The following SYCP2 variants were observed in gnomAD, a reference collection of about 807,000 sequenced individuals.
SYCP2 encodes synaptonemal complex protein 2, also known as synaptonemal complex lateral element protein.
Under a neutral mutation model 211.3 loss-of-function variants are expected in SYCP2, and 55 were observed. The observed-to-expected ratio is 0.26, with a 90% confidence interval of 0.21 to 0.33. The LOEUF (loss-of-function observed/expected upper bound fraction) is 0.33. SYCP2 is among the 10% of genes least tolerant of loss of function. The pLI, the probability that SYCP2 is intolerant of heterozygous loss-of-function variation, is 1.00. For missense variants in SYCP2, 1,731 were observed against 1,752.0 expected (o/e 0.99, Z 0.21); for synonymous variants, 570 against 555.2 (o/e 1.03, Z -0.37).
At chr20:59,880,087 A>G (rs898773132) in intron 31 of SYCP2, among the ~76,000 whole-genome samples, 3 of 151,180 alleles carry the variant, frequency 2.0e-5, no homozygotes, top group Non-Finnish European at 3.0e-5. Flanking sequence ...AAGGATAATG[A>G]TAAGTCATAA....
Position 59,892,236 on chromosome 20 carries a change from T to C in SYCP2, c.2118A>G (p.Lys706=). The change falls in exon 24 of 45, where the codon AAA becomes AAG. Residue 706 remains lysine (K), a synonymous_variant. Coordinates refer to ENST00000357552, the MANE Select transcript of SYCP2 (RefSeq NM_014258.4). ...CACTCTGCTTGGCATTTTCAGTATT[T>C]TTCTGCCCTGAATATTTAGGATGAT... is the stretch of plus-strand genomic sequence containing the variant. ...QQNHPKYSGQ[K]NTENAKQSDW... 6.2e-7 allele frequency: 1 copy of C among 1,612,962 alleles called. No homozygotes were observed. The highest frequency in any genetic ancestry group is 8.5e-7 in the Non-Finnish European group (1 of 1,179,288).
At chr20:59,881,547 T>G (rs1488246853) in intron 28 of SYCP2, 55 bp from the exon 29 acceptor site, 1 of 850,690 alleles carries the variant, frequency 1.2e-6, no homozygotes, top group African/African-American at 1.8e-5. Flanking sequence ...TAAAAAAGAT[T>G]AAAAGGAATA....
intron 35 of SYCP2, among the ~76,000 whole-genome samples, chr20:59,873,343 C>T (rs561031484): frequency 6.6e-6 from 1 of 152,228 alleles, no homozygotes; most frequent in East Asian, 1.9e-4. Context: ...ACTGCAATAC[C>T]TCTACAGTTG....
chr20:59,919,854 AGTTAGG>A (rs2060508391), intron 5 of SYCP2, among the ~76,000 whole-genome samples: 1 of 151,670 alleles, frequency 6.6e-6, no homozygotes, highest in Admixed American at 6.6e-5. Flanking sequence ...TCAAATTCCT[AGTTAGG>A]GTACGTTTAT....
chr20:59,882,018 G>A lies in SYCP2; in HGVS notation c.2601-16C>T. The stretch of plus-strand genomic sequence containing the variant: ...AACATCATTCCTGTGAAAATGAAGA[G>A]CAATATTAGCTCCACTTAAATATGT... On this transcript the variant is annotated splice_polypyrimidine_tract_variant and intron_variant, in intron 27 of 44. Coordinates refer to ENST00000357552, the MANE Select transcript of SYCP2 (RefSeq NM_014258.4). The A allele has an allele frequency of 6.2e-7, 1 of 1,611,044 alleles. No individual in the cohort carries two copies. Among genetic ancestry groups the A allele is most frequent in the Non-Finnish European group, 8.5e-7 (1 of 1,177,794 alleles).
At chr20:59,883,957 C>T (rs2059736836) in intron 26 of SYCP2, among the ~76,000 whole-genome samples, 1 of 151,882 alleles carries the variant, frequency 6.6e-6, no homozygotes, top group African/African-American at 2.4e-5. Flanking sequence ...TTATAGTAAC[C>T]ATTTCACTAT....
chr20:59,872,218 A>G (rs1239579016), intron 35 of SYCP2, among the ~76,000 whole-genome samples: 1 of 152,002 alleles, frequency 6.6e-6, no homozygotes, highest in Non-Finnish European at 1.5e-5. Context: ...TATTAAATGG[A>G]ACATTCCAGA....
At chr20:59,927,658 TAGAG>T (rs757172841) in intron 2 of SYCP2, among the ~76,000 whole-genome samples, 4 of 152,158 alleles carry the variant, frequency 2.6e-5, no homozygotes, top group African/African-American at 7.2e-5. Flanking sequence ...TAGGAAATGT[TAGAG>T]AGAAATACCT....
Position 59,877,510 on chromosome 20 carries a change from C to T in SYCP2, c.3025G>A (p.Glu1009Lys). The change falls in exon 33 of 45, where the codon GAA (glutamate) becomes AAA (lysine). Residue 1009 changes from glutamate (E) to lysine (K), a missense_variant. This residue lies in a region of SYCP2 where 1,387 missense variants were observed against 1,351.3 expected (regional missense o/e 1.03). Transcript: ENST00000357552. The part of the protein sequence containing the change: ...ITKKMDKTIP[E>K]GRIRLPRKAT... ...TTTCGTGGAAGTCTGATTCTTCCTTCCGGAATTGTCTTGTCCATCTTTTTT... is the reference window on the plus strand; with the variant it reads ...TTTCGTGGAAGTCTGATTCTTCCTTTCGGAATTGTCTTGTCCATCTTTTTT... 2 of 1,601,976 alleles carry T rather than the reference C, an allele frequency of 1.2e-6. No homozygotes were observed. The highest frequency in any genetic ancestry group is 8.5e-7 in the Non-Finnish European group (1 of 1,177,020).
chr20:59,904,255 G>C (rs533607389), intron 15 of SYCP2, among the ~76,000 whole-genome samples: 1 of 152,198 alleles, frequency 6.6e-6, no homozygotes, highest in East Asian at 1.9e-4. Flanking sequence ...ATCATCCTCA[G>C]GCATATACTC....
At chr20:59,916,832 T>G (rs2060452262) in intron 7 of SYCP2, among the ~76,000 whole-genome samples, 1 of 151,980 alleles carries the variant, frequency 6.6e-6, no homozygotes, top group African/African-American at 2.4e-5. Context: ...GGTGGGAGAA[T>G]CACCTGAGCC....
At position 59,900,194 on chromosome 20, in the gene SYCP2, GT is replaced by G; in HGVS notation, c.1347del (p.Lys449AsnfsTer34). On this transcript the variant is annotated frameshift_variant, in exon 18 of 45. Transcript: ENST00000357552. LOFTEE classifies it high-confidence loss of function. ...TCACTGTTTTTGATATATTTTGAAG[GT>G]TTAGCAAATTCCTTTGGGGACTTTG... ...EKSKSPKEFA[K>X]PSKYIKNSDK... 1 of 1,613,024 alleles carries G rather than the reference GT, an allele frequency of 6.2e-7. No individual in the cohort carries two copies.
In SYCP2 at chr20:59,905,282, CAT is replaced by C. The variant is rs571926296; in HGVS notation, c.1033+2080_1033+2081del. Among the ~76,000 whole-genome samples the C allele has an allele frequency of 1.6e-4, 24 of 152,190 alleles. No homozygotes were observed. In the South Asian group the frequency reaches 5.0e-3, roughly 32 times the overall value. On this transcript the variant is annotated intron_variant, in intron 15 of 44. Transcript: ENST00000357552. ...TTAGTATTTACCTGAGAAATAAAAA[CAT>C]ATTTTCAGAAGTAATTAATTATAAA...
At chr20:59,878,077 A>C (rs774334772) in intron 31 of SYCP2, 32 bp from the exon 32 acceptor site, 1 of 1,484,660 alleles carries the variant, frequency 6.7e-7, no homozygotes, top group South Asian at 1.2e-5. Flanking sequence ...TTAAATTTTC[A>C]CAGTAAATAA....
At chr20:59,871,167 G>A (rs909671255) in intron 35 of SYCP2, among the ~76,000 whole-genome samples, 71 of 151,692 alleles carry the variant, frequency 4.7e-4, no homozygotes, top group African/African-American at 1.6e-3. Context: ...GAAAAATCAA[G>A]CAATGCAATT....
chr20:59,932,436 G>C (rs1010175267), intron 1 of SYCP2, among the ~76,000 whole-genome samples: 18 of 152,134 alleles, frequency 1.2e-4, no homozygotes, highest in South Asian at 2.1e-4. Context: ...AGCACTTTGG[G>C]AAGCCGAGGC....
In SYCP2 at chr20:59,892,407, T is replaced by G; in HGVS notation, c.1947A>C (p.Lys649Asn). ...AAGAGGATGATTTTTGTTTAGTAAGTTTTTTATTTATAACAATATCTATTG... is the reference window on the plus strand; with the variant it reads ...AAGAGGATGATTTTTGTTTAGTAAGGTTTTTATTTATAACAATATCTATTG... ...TLNQDIVINKKLTKQKSSSSI... is the reference protein window; with the variant it reads ...TLNQDIVINKNLTKQKSSSSI... Residue 649 changes from lysine to asparagine, a missense_variant, in exon 24 of 45, where the codon AAA (lysine) becomes AAC (asparagine). By Grantham distance (94) the Lys-to-Asn change is moderately conservative. Transcript: ENST00000357552. 1.3e-6 allele frequency: 2 copies of G among 1,530,624 alleles called. No individual in the cohort carries two copies. The highest frequency in any genetic ancestry group is 1.8e-6 in the Non-Finnish European group (2 of 1,129,676). The allele number at this position is 1,530,624 out of a possible 1,614,324, so 94.8% of individuals were successfully genotyped here. A position where few individuals can be genotyped will look rare whatever the true frequency, so the allele number is the denominator to read the frequency against.
At chr20:59,908,521 C>G (rs1290020869) in intron 14 of SYCP2, among the ~76,000 whole-genome samples, 1 of 152,114 alleles carries the variant, frequency 6.6e-6, no homozygotes, top group Non-Finnish European at 1.5e-5. Flanking sequence ...AAAAAACTTG[C>G]TCCTTTGAGG....
rs527875212 is a variant in SYCP2, at chr20:59,891,867, A to G, written c.2364+123T>C. The G allele has an allele frequency of 1.3e-4, 103 of 812,180 alleles. 1 individual carries two copies. The South Asian group carries it at 2.0e-3, about 16-fold the overall frequency. The allele number at this position is 812,180 out of a possible 1,614,324, so 50.3% of individuals were successfully genotyped here. Reference sequence around the variant, plus strand: ...AGTGAGGAATTCTGAGAGTCTGGGCACTGAATTAAACAAGGTATTACACAT... The same window carrying G: ...AGTGAGGAATTCTGAGAGTCTGGGCGCTGAATTAAACAAGGTATTACACAT... On this transcript the variant is annotated intron_variant, in intron 24 of 44. Coordinates refer to ENST00000357552, the MANE Select transcript of SYCP2 (RefSeq NM_014258.4).
Sources: gnomAD v4.1 joint callset for allele counts (sites outside exome capture counted in the v4.1 genomes callset) on GRCh38, gnomAD v4.1.1 for gene constraint, gnomAD v4.1.1 regional missense constraint, MANE v1.5 for transcripts, NCBI Gene and HGNC (gene_info 2026-07-23, HGNC 2026-07-21) for gene names.